Variants in GALNT13 observed in about 807,000 individuals in gnomAD.
GALNT13 encodes the protein polypeptide N-acetylgalactosaminyltransferase 13, also known as UDP-GalNAc:polypeptide N-acetylgalactosaminyltransferase 13.
A neutral mutation model predicts 64.2 loss-of-function variants in GALNT13; 28 were observed. That is an observed-to-expected ratio of 0.44 (90% CI 0.32 to 0.60). The LOEUF (loss-of-function observed/expected upper bound fraction) is 0.60. Among genes scored for constraint, GALNT13 ranks in the 20% least tolerant of loss-of-function variants. The probability of loss-of-function intolerance (pLI) is 0.05; values close to 1 mark genes in which losing one functional copy is unlikely to be tolerated. For missense variants in GALNT13, 577 were observed against 669.8 expected (o/e 0.86, Z 1.53); for synonymous variants, 214 against 224.6 (o/e 0.95, Z 0.42).
At chr2:153,413,210 G>T in the GALNT13 span, among the ~76,000 whole-genome samples, 1 of 152,058 alleles carries the variant, frequency 6.6e-6, no homozygotes, top group South Asian at 2.1e-4. Flanking sequence ...TTTGCTTCCC[G>T]TATCCTATCT....
chr2:153,979,114 G>T (rs1694278917), intron 3 of GALNT13, among the ~76,000 whole-genome samples: 1 of 151,986 alleles, frequency 6.6e-6, no homozygotes, highest in South Asian at 2.1e-4. Flanking sequence ...ATTATTATTT[G>T]ATTATTTTAA....
At chr2:153,299,209 G>A in the GALNT13 span, among the ~76,000 whole-genome samples, 4 of 152,176 alleles carry the variant, frequency 2.6e-5, no homozygotes, top group African/African-American at 9.7e-5. Context: ...AAAATTGTAG[G>A]AAGATATAAG....
At chr2:153,849,735 A>C in the GALNT13 span, among the ~76,000 whole-genome samples, 1 of 152,102 alleles carries the variant, frequency 6.6e-6, no homozygotes, top group Non-Finnish European at 1.5e-5. Flanking sequence ...GTACAGTTTG[A>C]AAGGCAGAGA....
chr2:153,724,605 A>C, the GALNT13 span, among the ~76,000 whole-genome samples: 1 of 117,922 alleles, frequency 8.5e-6, no homozygotes, highest in Non-Finnish European at 1.7e-5. Context: ...AAACAAATTT[A>C]CAAGAAAAAA....
the GALNT13 span, among the ~76,000 whole-genome samples, chr2:153,395,260 C>G: frequency 6.6e-6 from 1 of 152,076 alleles, no homozygotes; most frequent in African/African-American, 2.4e-5. Flanking sequence ...CAATCAAAGG[C>G]AAAGAATTAT....
chr2:153,111,009 A>T, the GALNT13 span, among the ~76,000 whole-genome samples: 1 of 152,058 alleles, frequency 6.6e-6, no homozygotes, highest in Non-Finnish European at 1.5e-5. Context: ...ATCTTTTTTC[A>T]TCTGCTCTAT....
At chr2:153,589,138 A>G in the GALNT13 span, among the ~76,000 whole-genome samples, 1 of 151,646 alleles carries the variant, frequency 6.6e-6, no homozygotes, top group Non-Finnish European at 1.5e-5. Flanking sequence ...TTTGTCTCAA[A>G]AAAAAAAGAA....
At chr2:153,885,680 A>G (rs950519698) in intron 1 of GALNT13, among the ~76,000 whole-genome samples, 1 of 152,062 alleles carries the variant, frequency 6.6e-6, no homozygotes, top group Non-Finnish European at 1.5e-5. Context: ...GCAAATTTAC[A>G]GAAGAATTGG....
At chr2:154,337,307 A>C (rs1695508949) in intron 9 of GALNT13, among the ~76,000 whole-genome samples, 2 of 152,266 alleles carry the variant, frequency 1.3e-5, no homozygotes, top group Non-Finnish European at 2.9e-5. Context: ...CTTTCTAAAA[A>C]GTACTTATGA....
the GALNT13 span, among the ~76,000 whole-genome samples, chr2:153,506,902 G>C: frequency 6.6e-6 from 1 of 152,198 alleles, no homozygotes; most frequent in African/African-American, 2.4e-5. Context: ...CAAGGCCAGG[G>C]AAGTTTTCCT....
chr2:153,502,934 A>T, the GALNT13 span, among the ~76,000 whole-genome samples: 1 of 151,888 alleles, frequency 6.6e-6, no homozygotes, highest in Non-Finnish European at 1.5e-5. Flanking sequence ...TGATTTTTTT[A>T]AATTTCTTGC....
At chr2:154,322,132 C>G (rs1242083902) in intron 9 of GALNT13, among the ~76,000 whole-genome samples, 1 of 40,598 alleles carries the variant, frequency 2.5e-5, no homozygotes, top group Non-Finnish European at 5.0e-5. Context: ...AGTTTACTTT[C>G]TAAAATATGT....
chr2:154,056,439 A>T (rs1036257168), intron 3 of GALNT13, among the ~76,000 whole-genome samples: 1 of 152,194 alleles, frequency 6.6e-6, no homozygotes, highest in Non-Finnish European at 1.5e-5. Flanking sequence ...ACATTAGCTG[A>T]TCAATTTAAA....
chr2:153,083,392 C>T, the GALNT13 span, among the ~76,000 whole-genome samples: 1 of 152,106 alleles, frequency 6.6e-6, no homozygotes, highest in Non-Finnish European at 1.5e-5. Context: ...CCACATCTAC[C>T]CCAACATCTA....
chr2:153,525,930 C>T, the GALNT13 span, among the ~76,000 whole-genome samples: 3 of 152,184 alleles, frequency 2.0e-5, no homozygotes, highest in African/African-American at 7.2e-5. Context: ...TGCACATGGA[C>T]CTGTGGTGGT....
the GALNT13 span, among the ~76,000 whole-genome samples, chr2:153,739,584 T>A: frequency 2.9e-5 from 4 of 138,476 alleles, no homozygotes; most frequent in African/African-American, 7.8e-5. Context: ...TTATTCATTA[T>A]TTTATTTATT....
chr2:153,296,330 T>C, the GALNT13 span, among the ~76,000 whole-genome samples: 1 of 152,182 alleles, frequency 6.6e-6, no homozygotes, highest in Non-Finnish European at 1.5e-5. Flanking sequence ...GAAGGCTACC[T>C]GTTGAGCTTA....
the GALNT13 span, among the ~76,000 whole-genome samples, chr2:153,456,655 G>A: frequency 0.66 from 99,768 of 152,100 alleles, 33,491 homozygotes; most frequent in Non-Finnish European, 0.73. Context: ...TGGGCTTTAT[G>A]TATGTTTTTA....
At chr2:153,329,099 C>G in the GALNT13 span, among the ~76,000 whole-genome samples, 1 of 151,950 alleles carries the variant, frequency 6.6e-6, no homozygotes, top group Non-Finnish European at 1.5e-5. Flanking sequence ...TGAAGTGCTC[C>G]CCACCTGCTC....
Sources: allele counts gnomAD v4.1 joint callset (sites outside exome capture counted in the v4.1 genomes callset), GRCh38; gene constraint gnomAD v4.1.1; transcripts MANE v1.5; gene names NCBI Gene and HGNC (gene_info 2026-07-23, HGNC 2026-07-21).